Variants in GBE1 observed in about 807,000 individuals in gnomAD.
GBE1 encodes the protein 1,4-alpha-glucan branching enzyme 1.
Under a neutral mutation model 88.8 loss-of-function variants are expected in GBE1, and 70 were observed. The ratio of observed to expected loss-of-function variants is 0.79; its 90% CI spans 0.65 to 0.96. GBE1 has a LOEUF of 0.96. GBE1 is among the 40% of genes least tolerant of loss of function. The pLI is 0.00. For missense variants in GBE1, 872 were observed against 871.0 expected (o/e 1.00, Z -0.01); for synonymous variants, 284 against 300.1 (o/e 0.95, Z 0.56).
chr3:81,496,653 A>G (rs564303332), intron 15 of GBE1, among the ~76,000 whole-genome samples: 1 of 152,318 alleles, frequency 6.6e-6, no homozygotes, highest in East Asian at 1.9e-4. Flanking sequence ...CATATGACTC[A>G]GTTTAATAAG....
At position 81,501,273 on chromosome 3, in the gene GBE1, A is replaced by G. The variant is rs1000098203; in HGVS notation, c.1935-2046T>C. On this transcript the variant is annotated intron_variant, in intron 14 of 15. Transcript: ENST00000429644. ...TATATGGGGGAAACTGATGGAAGACAGGGGTTATTTTAGTAGGTTTGTTTG... is the reference window on the plus strand; with the variant it reads ...TATATGGGGGAAACTGATGGAAGACGGGGGTTATTTTAGTAGGTTTGTTTG... 2.0e-5 allele frequency among the ~76,000 whole-genome samples: 3 copies of G among 152,342 alleles called. 1 individual carries two copies. The highest frequency in any genetic ancestry group is 6.5e-5 in the Admixed American group (1 of 15,294).
intron 12 of GBE1, among the ~76,000 whole-genome samples, chr3:81,572,435 C>G (rs1192677636): frequency 6.6e-6 from 1 of 152,024 alleles, no homozygotes; most frequent in African/African-American, 2.4e-5. Context: ...CACAAAATAC[C>G]ATTTGTGTCT....
chr3:81,538,181 A>G, intron 12 of GBE1, among the ~76,000 whole-genome samples: 1 of 152,016 alleles, frequency 6.6e-6, no homozygotes, highest in East Asian at 1.9e-4. Context: ...AATGAGTTAG[A>G]AAGTATCATA....
chr3:81,560,973 CT>C (rs1703408151), intron 12 of GBE1, among the ~76,000 whole-genome samples: 1 of 151,882 alleles, frequency 6.6e-6, no homozygotes, highest in Non-Finnish European at 1.5e-5. Flanking sequence ...TCATTTATAA[CT>C]TATACTTCTA....
intron 7 of GBE1, among the ~76,000 whole-genome samples, chr3:81,617,172 G>C (rs1004729855): frequency 2.6e-5 from 4 of 151,546 alleles, no homozygotes; most frequent in African/African-American, 9.7e-5. Flanking sequence ...AAAGAGAAAG[G>C]AAAGTTTTAT....
chr3:81,599,335 T>C (rs896387817), intron 7 of GBE1, among the ~76,000 whole-genome samples: 4 of 152,046 alleles, frequency 2.6e-5, no homozygotes, highest in African/African-American at 9.7e-5. Context: ...CGTGTGTGTG[T>C]GTGTAGGAAT....
intron 12 of GBE1, among the ~76,000 whole-genome samples, chr3:81,574,264 T>C (rs527603409): frequency 3.3e-5 from 5 of 152,190 alleles, no homozygotes; most frequent in African/African-American, 1.2e-4. Context: ...AGGTACCATA[T>C]AGTTAATGGA....
intron 1 of GBE1, among the ~76,000 whole-genome samples, chr3:81,709,422 T>TCAAA (rs10626067): frequency 0.63 from 95,485 of 151,374 alleles, 31,569 homozygotes; most frequent in East Asian, 0.94. Context: ...AATAAAATGA[T>TCAAA]CAGTGTGGAA....
At chr3:81,563,166 G>A (rs1703443944) in intron 12 of GBE1, among the ~76,000 whole-genome samples, 1 of 152,072 alleles carries the variant, frequency 6.6e-6, no homozygotes, top group African/African-American at 2.4e-5. Context: ...CAGTCTTTGA[G>A]CTAAAATGAA....
chr3:81,752,824 C>T (rs961422042), intron 1 of GBE1, among the ~76,000 whole-genome samples: 2 of 152,078 alleles, frequency 1.3e-5, no homozygotes, highest in African/African-American at 4.8e-5. Context: ...AATTTCTGGT[C>T]ATGGTATTTA....
At chr3:81,701,309 T>C (rs1468872164) in intron 2 of GBE1, among the ~76,000 whole-genome samples, 2 of 152,094 alleles carry the variant, frequency 1.3e-5, no homozygotes, top group Non-Finnish European at 2.9e-5. Context: ...AAAGAAATGA[T>C]TGTTTTATTT....
intron 1 of GBE1, among the ~76,000 whole-genome samples, chr3:81,728,283 A>G (rs75066981): frequency 1.4e-3 from 214 of 152,292 alleles, no homozygotes; most frequent in African/African-American, 4.9e-3. Context: ...AAACTCTGTA[A>G]AAGGAAATAC....
chr3:81,568,962 C>A (rs1703534660), intron 12 of GBE1, among the ~76,000 whole-genome samples: 1 of 151,674 alleles, frequency 6.6e-6, no homozygotes, highest in Non-Finnish European at 1.5e-5. Flanking sequence ...TATTAAAATG[C>A]CATAAACATT....
intron 1 of GBE1, among the ~76,000 whole-genome samples, chr3:81,738,021 C>T (rs1016940727): frequency 2.0e-4 from 30 of 151,792 alleles, no homozygotes; most frequent in African/African-American, 6.0e-4. Context: ...CTTGTTCTTG[C>T]GATAGTTTAC....
chr3:81,648,921 T>C lies in GBE1; in HGVS notation c.626A>G (p.His209Arg), dbSNP rs542346749. The change falls in exon 5 of 16, where the codon CAT becomes CGT. Residue 209 changes from histidine (H) to arginine (R), a missense_variant. Physicochemically the swap from His to Arg is conservative, Grantham distance 29. Coordinates refer to ENST00000429644, the MANE Select transcript of GBE1 (RefSeq NM_000158.4). ...IYESHVGISS[H>R]EGKVASYKHF... ...TTTATAAGAAGCTACTTTTCCTTCA[T>C]GGGAAGAAATTCCCACATGAGATTC... 8.6e-5 allele frequency: 137 copies of C among 1,585,956 alleles called. No individual in the cohort carries two copies. Among genetic ancestry groups the C allele is most frequent in the Non-Finnish European group, 1.1e-4 (124 of 1,161,124 alleles).
At chr3:81,541,128 G>T (rs1703137498) in intron 12 of GBE1, among the ~76,000 whole-genome samples, 1 of 151,942 alleles carries the variant, frequency 6.6e-6, no homozygotes, top group Non-Finnish European at 1.5e-5. Context: ...CATTTTCACT[G>T]TATAGTTTTG....
chr3:81,707,676 T>C (rs1705797866), intron 1 of GBE1, among the ~76,000 whole-genome samples: 1 of 152,000 alleles, frequency 6.6e-6, no homozygotes, highest in South Asian at 2.1e-4. Flanking sequence ...CAGAGTAAAA[T>C]TTAAGGTTGT....
intron 10 of GBE1, among the ~76,000 whole-genome samples, chr3:81,585,584 C>T (rs1403441982): frequency 6.6e-6 from 1 of 151,886 alleles, no homozygotes; most frequent in African/African-American, 2.4e-5. Flanking sequence ...AAATGATGTG[C>T]AAAGTACCAT....
chr3:81,640,383 T>C (rs1160965667), intron 7 of GBE1, among the ~76,000 whole-genome samples: 1 of 152,116 alleles, frequency 6.6e-6, no homozygotes, highest in Non-Finnish European at 1.5e-5. Flanking sequence ...CTTTCTCCTG[T>C]ACTGGACGCT....
Sources: gnomAD v4.1 joint callset for allele counts (sites outside exome capture counted in the v4.1 genomes callset) on GRCh38, gnomAD v4.1.1 for gene constraint, MANE v1.5 for transcripts, NCBI Gene and HGNC (gene_info 2026-07-23, HGNC 2026-07-21) for gene names.